TEX10: variants seen among roughly 807,000 people sequenced by gnomAD.
The protein encoded by TEX10 is testis-expressed protein 10.
TEX10 carries 24 observed loss-of-function variants against 104.4 expected under a neutral mutation model. The observed-to-expected ratio is 0.23, with a 90% CI of 0.17 to 0.32. The LOEUF (loss-of-function observed/expected upper bound fraction) is 0.32. Among genes scored for constraint, TEX10 ranks in the 10% least tolerant of loss-of-function variants. The pLI is 1.00. For synonymous variants in TEX10, 396 were observed against 393.4 expected (o/e 1.01, Z -0.08); for missense variants, 921 against 1,083.9 (o/e 0.85, Z 2.11).
chr9:100,348,403 A>AT (rs1835354821), intron 2 of TEX10, among the ~76,000 whole-genome samples: 1 of 152,218 alleles, frequency 6.6e-6, no homozygotes, highest in South Asian at 2.1e-4. Flanking sequence ...TAAATGAGAG[A>AT]TTTTAATTAT....
At chr9:100,328,000 A>C in intron 7 of TEX10, 38 bp from the exon 8 acceptor site, 1 of 1,435,572 alleles carries the variant, frequency 7.0e-7, no homozygotes, top group East Asian at 2.4e-5. Context: ...GTAATACTCA[A>C]AGACAAGGGA....
intron 11 of TEX10, among the ~76,000 whole-genome samples, chr9:100,316,805 G>T (rs898448018): frequency 7.0e-6 from 1 of 142,466 alleles, no homozygotes; most frequent in African/African-American, 2.6e-5. Flanking sequence ...AATTCAAGAT[G>T]TAAGATCAAC....
chr9:100,347,103 T>C lies in TEX10; in HGVS notation c.484A>G (p.Lys162Glu). 1.2e-6 allele frequency: 2 copies of C among 1,614,198 alleles called. No homozygotes were observed. The highest frequency in any genetic ancestry group is 1.7e-6 in the Non-Finnish European group (2 of 1,180,030). Reference protein sequence around the residue: ...ITEGIQEDSLKVLDILLEQYP... With the variant: ...ITEGIQEDSLEVLDILLEQYP... The stretch of plus-strand genomic sequence containing the variant: ...TGTTCCAGCAGAATGTCCAAAACTT[T>C]TAAAGAGTCCTCCTGAATTCCTTCA... Residue 162 changes from lysine to glutamate, a missense_variant, in exon 3 of 15, where the codon AAA (lysine) becomes GAA (glutamate). Coordinates refer to ENST00000374902, the MANE Select transcript of TEX10 (RefSeq NM_017746.4).
chr9:100,317,418 G>T (rs1462690758), intron 11 of TEX10, among the ~76,000 whole-genome samples: 2 of 152,142 alleles, frequency 1.3e-5, no homozygotes, highest in Admixed American at 1.3e-4. Flanking sequence ...ACAATAAATG[G>T]TGCTGAGAAA....
At chr9:100,307,959 A>C (rs1834182283) in intron 13 of TEX10, 1 of 152,176 alleles carries the variant, frequency 6.6e-6, no homozygotes. Flanking sequence ...TGGGCACACA[A>C]ATAAGAACAC....
At position 100,308,569 on chromosome 9, in the gene TEX10, G is replaced by T. The variant is rs1161081913; in HGVS notation, c.2396C>A (p.Ser799Tyr). ...VSETLLPFLA[S>Y]CCYSLLYFLL... ...AAAATAAAGAAGACTGTAGCAACAAGAAGCCAGAAATGGCAGTAGAGTCTC... is the reference window on the plus strand; with the variant it reads ...AAAATAAAGAAGACTGTAGCAACAATAAGCCAGAAATGGCAGTAGAGTCTC... The change falls in exon 13 of 15, where the codon TCT becomes TAT. Residue 799 changes from serine to tyrosine, a missense_variant. Ser to Tyr is a moderately radical substitution (Grantham distance 144). Transcript: ENST00000374902. The T allele has an allele frequency of 6.2e-7, 1 of 1,612,670 alleles. No individual in the cohort carries two copies. Among genetic ancestry groups the T allele is most frequent in the South Asian group, 1.1e-5 (1 of 90,828 alleles).
intron 11 of TEX10, among the ~76,000 whole-genome samples, chr9:100,314,320 TC>T (rs1834359164): frequency 6.6e-6 from 1 of 152,106 alleles, no homozygotes. Flanking sequence ...ACTCCTGACT[TC>T]GTGATCCTCC....
rs1234501977 is a variant in TEX10 at position 100,330,090 on chromosome 9, G to C, written c.1330C>G (p.Leu444Val). ...NLTLSDIMVSLANASTLQKDC... is the reference protein window; with the variant it reads ...NLTLSDIMVSVANASTLQKDC... ...TTCTGCAAAGTTGACGCATTTGCCAGGGAGACCATGATATCAGACAGTGTT... is the reference window on the plus strand; with the variant it reads ...TTCTGCAAAGTTGACGCATTTGCCACGGAGACCATGATATCAGACAGTGTT... Residue 444 changes from leucine (L) to valine (V), a missense_variant, in exon 6 of 15, where the codon CTG becomes GTG. By Grantham distance (32) the Leu-to-Val change is conservative. Transcript: ENST00000374902. 6.2e-7 allele frequency: 1 copy of C among 1,614,094 alleles called. No individual in the cohort carries two copies. The highest frequency in any genetic ancestry group is 2.2e-5 in the East Asian group (1 of 44,866).
chr9:100,302,858 A>T (rs1443480669), intron 14 of TEX10, among the ~76,000 whole-genome samples: 1 of 152,122 alleles, frequency 6.6e-6, no homozygotes, highest in East Asian at 1.9e-4. Context: ...AAGCACTATT[A>T]CTTCAAAGTA....
chr9:100,306,989 G>A (rs994147984), intron 13 of TEX10: 47 of 152,256 alleles, frequency 3.1e-4, no homozygotes, highest in African/African-American at 1.1e-3. Flanking sequence ...AAAATCTCTA[G>A]AACCCTGAGA....
chr9:100,327,746 G>GATCAATGACTACCC (rs1834743980), intron 8 of TEX10, 41 bp downstream of exon 8: 1 of 1,466,724 alleles, frequency 6.8e-7, no homozygotes, highest in African/African-American at 1.4e-5. Flanking sequence ...TATCAGGGTG[G>GATCAATGACTACCC]ATCAATGACT....
intron 4 of TEX10, among the ~76,000 whole-genome samples, chr9:100,342,631 A>G (rs1835201887): frequency 1.3e-5 from 2 of 152,322 alleles, no homozygotes; most frequent in South Asian, 4.1e-4. Context: ...CTTATAAAGT[A>G]TGACTGCATT....
intron 4 of TEX10, among the ~76,000 whole-genome samples, chr9:100,343,528 A>G (rs1270635518): frequency 6.6e-6 from 1 of 151,884 alleles, no homozygotes; most frequent in African/African-American, 2.4e-5. Context: ...CAGCCACTGC[A>G]TGTAAGACTT....
Position 100,303,689 on chromosome 9 carries a change from G to A in TEX10, c.2619C>T (p.Leu873=), listed in dbSNP as rs191855673. 2 of 1,614,100 alleles carry A rather than the reference G, an allele frequency of 1.2e-6. No homozygotes were observed. The highest frequency in any genetic ancestry group is 8.5e-7 in the Non-Finnish European group (1 of 1,180,026). The change falls in exon 14 of 15, where the codon CTC becomes CTT. Residue 873 remains leucine, a synonymous_variant. Coordinates refer to ENST00000374902, the MANE Select transcript of TEX10 (RefSeq NM_017746.4). ...TCGCATTGGTCAACATATGAGTCCT[G>A]AGGGGTGCATGCTGAAGCAGCAGTC... ...LLRLLLQHAP[L]RTHMLTNAIL... is the part of the protein sequence containing the mutation.
At chr9:100,341,520 T>TGGCGATGTAACAC (rs1835174291) in intron 4 of TEX10, among the ~76,000 whole-genome samples, 3 of 48,718 alleles carry the variant, frequency 6.2e-5, no homozygotes, top group African/African-American at 3.8e-4. Context: ...GGCATCATCC[T>TGGCGATGTAACAC]TGACTCCTCT....
At chr9:100,348,982 T>G (rs1280307371) in intron 2 of TEX10, among the ~76,000 whole-genome samples, 2 of 152,178 alleles carry the variant, frequency 1.3e-5, no homozygotes, top group Non-Finnish European at 2.9e-5. Flanking sequence ...GCATTTAGTT[T>G]AGCGAACGTT....
chr9:100,343,291 T>C (rs1377175056), intron 4 of TEX10, among the ~76,000 whole-genome samples: 1 of 148,800 alleles, frequency 6.7e-6, no homozygotes, highest in Non-Finnish European at 1.5e-5. Flanking sequence ...ATTGTATTCC[T>C]TCTGAAGGTT....
At chr9:100,334,991 CAT>C (rs1475031219) in intron 5 of TEX10, among the ~76,000 whole-genome samples, 3 of 152,008 alleles carry the variant, frequency 2.0e-5, no homozygotes, top group Non-Finnish European at 4.4e-5. Context: ...TTTGTGAAAA[CAT>C]GTGCCAAACA....
rs1834974419 is a variant in TEX10, at chr9:100,335,098, C to G, written c.1251-4929G>C. On this transcript the variant is annotated intron_variant, in intron 5 of 14. Coordinates refer to ENST00000374902, the MANE Select transcript of TEX10 (RefSeq NM_017746.4). ...ATACAAGTAAGAAATTCCCACAGGG[C>G]TATTTCCTTGAGACAATCATAGTTC... Among the ~76,000 whole-genome samples, 3 of 152,190 alleles carry G rather than the reference C, an allele frequency of 2.0e-5. No homozygotes were observed. In the South Asian group the frequency reaches 6.2e-4, roughly 32 times the overall value.
Sources: gnomAD v4.1 joint callset for allele counts (sites outside exome capture counted in the v4.1 genomes callset) on GRCh38, gnomAD v4.1.1 for gene constraint, MANE v1.5 for transcripts, NCBI Gene and HGNC (gene_info 2026-07-23, HGNC 2026-07-21) for gene names.